The following SLC11A2 variants were observed in gnomAD, a reference collection of about 807,000 sequenced individuals.
SLC11A2 encodes natural resistance-associated macrophage protein 2.
Under a neutral mutation model 68.0 loss-of-function variants are expected in SLC11A2, and 38 were observed. That is an observed-to-expected ratio of 0.56 (90% CI 0.43 to 0.73). The LOEUF is 0.73. Among genes scored for constraint, SLC11A2 ranks in the 30% least tolerant of loss-of-function variants. SLC11A2 has a pLI of 0.00. For synonymous variants in SLC11A2, 242 were observed against 250.6 expected (o/e 0.97, Z 0.32); for missense variants, 517 against 690.5 (o/e 0.75, Z 2.82).
the SLC11A2 span, among the ~76,000 whole-genome samples, chr12:50,958,351 G>A: frequency 6.8e-6 from 1 of 147,360 alleles, no homozygotes; most frequent in Non-Finnish European, 1.5e-5. Context: ...GCACTATCTC[G>A]GCTCACTGCA....
the SLC11A2 span, among the ~76,000 whole-genome samples, chr12:50,967,920 T>A: frequency 6.6e-6 from 1 of 151,976 alleles, no homozygotes; most frequent in Non-Finnish European, 1.5e-5. Context: ...ATACCCTATC[T>A]CTACAAAAAA....
intron 6 of SLC11A2, among the ~76,000 whole-genome samples, chr12:51,000,007 CA>C (rs35094922): frequency 2.0e-5 from 3 of 150,674 alleles, no homozygotes; most frequent in African/African-American, 7.4e-5. Flanking sequence ...GACTCTGTCT[CA>C]AAAAAATAAA....
In SLC11A2 at chr12:50,994,251, T is replaced by A. The variant is rs1049323399; in HGVS notation, c.1077+293A>T. 2.0e-5 allele frequency among the ~76,000 whole-genome samples: 3 copies of A among 152,062 alleles called. No homozygotes were observed. The East Asian group carries it at 5.8e-4, about 29-fold the overall frequency. On this transcript the variant is annotated intron_variant, in intron 11 of 15. Transcript: ENST00000262052. ...TAGTAGAGACAGGGTTTCACCATGT[T>A]GGTCAGGCTGGTCTTGAACTCCTGA...
intron 5 of SLC11A2, chr12:51,000,662 A>G: frequency 1.7e-6 from 1 of 586,446 alleles, no homozygotes; most frequent in Middle Eastern, 4.5e-4. Context: ...GCAGTAATTG[A>G]TCTTACTTTT....
In SLC11A2 at chr12:50,999,172, G is replaced by A. The variant is rs749436383; in HGVS notation, c.675+2C>T. The A allele has an allele frequency of 6.2e-7, 1 of 1,604,506 alleles. No individual in the cohort carries two copies. Among genetic ancestry groups the A allele is most frequent in the South Asian group, 1.1e-5 (1 of 90,894 alleles). On this transcript the variant is annotated splice_donor_variant, in intron 8 of 15. Coordinates refer to ENST00000262052, the MANE Select transcript of SLC11A2 (RefSeq NM_000617.3). LOFTEE classifies it low-confidence loss of function (GC_TO_GT_DONOR). ...AGCTAATGAATATCCTGTACCACTT[G>A]CCTCATATCCAAATGTGAGGGCCAT...
In SLC11A2 at chr12:50,995,654, A is replaced by C; in HGVS notation, c.965T>G (p.Phe322Cys). 6.2e-7 allele frequency: 1 copy of C among 1,614,214 alleles called. No individual in the cohort carries two copies. Among genetic ancestry groups the C allele is most frequent in the Non-Finnish European group, 8.5e-7 (1 of 1,180,026 alleles). The change falls in exon 10 of 16, where the codon TTT becomes TGT. Residue 322 changes from phenylalanine (F) to cysteine (C), a missense_variant. Transcript: ENST00000262052. ...VFVVSVFAEA[F>C]FGKTNEQVVE... ...CACCTGCTCGTTGGTTTTCCCAAAAAATGCTTCAGCAAAGACTGAGACAAC... is the reference window on the plus strand; with the variant it reads ...CACCTGCTCGTTGGTTTTCCCAAAACATGCTTCAGCAAAGACTGAGACAAC...
chr12:50,991,433 A>G (rs1199202956), intron 14 of SLC11A2, 166 bp downstream of exon 14: 1 of 656,954 alleles, frequency 1.5e-6, no homozygotes, highest in Non-Finnish European at 2.8e-6. Flanking sequence ...CTCTTCCTTT[A>G]CTATATTCAC....
intron 1 of SLC11A2, among the ~76,000 whole-genome samples, chr12:51,015,265 C>T (rs917291033): frequency 3.3e-5 from 5 of 151,448 alleles, no homozygotes; most frequent in East Asian, 1.9e-4. Context: ...CACCTGAGGT[C>T]GGGAGTTCAA....
At chr12:50,954,175 T>C in the SLC11A2 span, 2 of 814,876 alleles carry the variant, frequency 2.5e-6, no homozygotes, top group Admixed American at 2.4e-5. Context: ...TTGAAATGTT[T>C]CTTATAATTG....
intron 5 of SLC11A2, among the ~76,000 whole-genome samples, chr12:51,004,122 AT>A (rs1205023656): frequency 6.6e-6 from 1 of 152,158 alleles, no homozygotes; most frequent in Non-Finnish European, 1.5e-5. Flanking sequence ...TATTATCAAG[AT>A]TTTTTTATTT....
In SLC11A2 at chr12:51,026,346, G is replaced by A. The variant is rs764621797; in HGVS notation, c.-75C>T. On this transcript the variant is annotated 5_prime_UTR_variant, in exon 1 of 16. Coordinates refer to ENST00000262052, the MANE Select transcript of SLC11A2 (RefSeq NM_000617.3). ...CGCAACCACCTGACACGCCGCCCCC[G>A]CGCCCAGGGCTCCATATTCCGGGAG... The A allele has an allele frequency of 2.3e-6, 3 of 1,280,156 alleles. No homozygotes were observed. The highest frequency in any genetic ancestry group is 3.1e-5 in the African/African-American group (2 of 65,520). 79.3% of individuals were successfully genotyped at this position (1,280,156 alleles called of 1,614,324 possible). A position where few individuals can be genotyped will look rare whatever the true frequency, so the allele number is the denominator to read the frequency against.
Position 50,999,156 on chromosome 12 carries a change from A to G in SLC11A2, c.675+18T>C, listed in dbSNP as rs1218966915. On this transcript the variant is annotated intron_variant, in intron 8 of 15. Transcript: ENST00000262052. ...AAAACTTATTTTAAGAAGCTAATGA[A>G]TATCCTGTACCACTTGCCTCATATC... 3.8e-6 allele frequency: 6 copies of G among 1,589,454 alleles called. 1 individual carries two copies. The African/African-American group carries it at 8.1e-5, about 21-fold the overall frequency.
Position 50,987,026 on chromosome 12 carries a change from A to C in SLC11A2, c.*1299T>G. ...CAGTTTTGATTATTTATCTCCATCA[A>C]AGTGATTTGATTTGAGATAATCACA... On this transcript the variant is annotated 3_prime_UTR_variant, in exon 16 of 16. Transcript: ENST00000262052. 7.8e-7 allele frequency: 1 copy of C among 1,286,230 alleles called. No homozygotes were observed. Among genetic ancestry groups the C allele is most frequent in the Non-Finnish European group, 1.0e-6 (1 of 988,238 alleles). 79.7% of individuals were successfully genotyped at this position (1,286,230 alleles called of 1,614,324 possible). A position where few individuals can be genotyped will look rare whatever the true frequency, so the allele number is the denominator to read the frequency against.
intron 14 of SLC11A2, 82 bp downstream of exon 14, chr12:50,991,517 T>A: frequency 9.4e-7 from 1 of 1,065,276 alleles, no homozygotes; most frequent in East Asian, 2.4e-5. Flanking sequence ...CCTCTGTGTC[T>A]CACGTCTGAC....
At chr12:51,015,031 A>G (rs1943526420) in intron 1 of SLC11A2, among the ~76,000 whole-genome samples, 1 of 151,110 alleles carries the variant, frequency 6.6e-6, no homozygotes, top group East Asian at 1.9e-4. Context: ...GTGGTGGCGC[A>G]TGCCTGTAAT....
chr12:51,005,044 G>T, intron 4 of SLC11A2, 137 bp from the exon 5 acceptor site: 1 of 1,108,496 alleles, frequency 9.0e-7, no homozygotes, highest in Non-Finnish European at 1.3e-6. Flanking sequence ...AATGACTTGA[G>T]TTCTATAACA....
chr12:50,996,483 G>A (rs1396462035), intron 9 of SLC11A2, among the ~76,000 whole-genome samples: 1 of 151,678 alleles, frequency 6.6e-6, no homozygotes, highest in Non-Finnish European at 1.5e-5. Flanking sequence ...GCTGAGGCAC[G>A]AGAATCACTT....
chr12:50,997,707 G>T (rs79218103), intron 8 of SLC11A2, among the ~76,000 whole-genome samples: 9 of 46,292 alleles, frequency 1.9e-4, no homozygotes, highest in Non-Finnish European at 3.9e-4. Context: ...AAAAAAAAAG[G>T]CCAGGCATGG....
At chr12:51,003,463 TC>T (rs1942446574) in intron 5 of SLC11A2, among the ~76,000 whole-genome samples, 1 of 151,122 alleles carries the variant, frequency 6.6e-6, no homozygotes. Flanking sequence ...TGGAATCGCC[TC>T]ACTGCAAGAA....
Sources: allele counts gnomAD v4.1 joint callset (sites outside exome capture counted in the v4.1 genomes callset), GRCh38; gene constraint gnomAD v4.1.1; transcripts MANE v1.5; gene names NCBI Gene and HGNC (gene_info 2026-07-23, HGNC 2026-07-21).